The following RSPO1 variants were observed in gnomAD, a reference collection of about 807,000 sequenced individuals.
RSPO1 encodes R-spondin 1, also known as R-spondin-1.
RSPO1 carries 18 observed loss-of-function variants against 26.0 expected under a neutral mutation model. The observed-to-expected ratio is 0.69, with a 90% CI of 0.48 to 1.03. The LOEUF is 1.03. Ranked by LOEUF, RSPO1 falls within the 50% of genes least tolerant of loss-of-function variation. The pLI is 0.00. For missense variants in RSPO1, 309 were observed against 352.3 expected, an observed-to-expected ratio of 0.88 and a Z score of 0.98; for synonymous variants, 133 against 137.4, an observed-to-expected ratio of 0.97 and a Z score of 0.22.
intron 3 of RSPO1, among the ~76,000 whole-genome samples, chr1:37,618,544 T>C (rs1261666173): frequency 6.6e-6 from 1 of 152,138 alleles, no homozygotes; most frequent in Non-Finnish European, 1.5e-5. Context: ...AAGAACTGTT[T>C]GGGAGGAAGC....
At chr1:37,625,764 C>T (rs981624476) in intron 3 of RSPO1, among the ~76,000 whole-genome samples, 2 of 151,968 alleles carry the variant, frequency 1.3e-5, no homozygotes, top group Non-Finnish European at 2.9e-5. Flanking sequence ...CTGCAACCTC[C>T]GCCTCCCAGG....
At chr1:37,627,465 C>A (rs902215088) in intron 3 of RSPO1, among the ~76,000 whole-genome samples, 3 of 152,126 alleles carry the variant, frequency 2.0e-5, no homozygotes, top group African/African-American at 7.2e-5. Context: ...GCCTGGCCAA[C>A]ATGACAAAAC....
chr1:37,619,177 C>A (rs148224781), intron 3 of RSPO1, among the ~76,000 whole-genome samples: 1 of 152,146 alleles, frequency 6.6e-6, no homozygotes, highest in African/African-American at 2.4e-5. Context: ...GAGCTGAGAT[C>A]GTGCCACTGC....
chr1:37,620,419 T>C (rs544987378), intron 3 of RSPO1, among the ~76,000 whole-genome samples: 3 of 152,034 alleles, frequency 2.0e-5, no homozygotes, highest in African/African-American at 7.2e-5. Context: ...GAAGCTGAGG[T>C]GAGGAGTTCG....
intron 3 of RSPO1, among the ~76,000 whole-genome samples, chr1:37,624,339 C>T (rs1259309505): frequency 1.3e-5 from 2 of 152,166 alleles, no homozygotes; most frequent in East Asian, 3.9e-4. Flanking sequence ...GGCAAGCGGC[C>T]TTGCAGGGCT....
rs1644027357 is a variant in RSPO1, at chr1:37,611,699, T to G, written c.*1056A>C. On this transcript the variant is annotated 3_prime_UTR_variant, in exon 7 of 7. Coordinates refer to ENST00000356545, the MANE Select transcript of RSPO1 (RefSeq NM_001242908.2). Reference sequence around the variant, plus strand: ...CCTGGCAGTGCCACTAGCCCTTCAGTATATAGATTCTGCCTCTCCCAGATG... The same window carrying G: ...CCTGGCAGTGCCACTAGCCCTTCAGGATATAGATTCTGCCTCTCCCAGATG... The G allele has an allele frequency of 6.4e-6, 1 of 157,276 alleles. No individual in the cohort carries two copies. The highest frequency in any genetic ancestry group is 2.0e-4 in the South Asian group (1 of 4,922). 9.7% of individuals were successfully genotyped at this position (157,276 alleles called of 1,614,324 possible).
rs906644673 is a variant in RSPO1, at chr1:37,620,601, T to C, written c.95-3926A>G. Among the ~76,000 whole-genome samples the C allele has an allele frequency of 7.3e-5, 11 of 151,304 alleles. No individual in the cohort carries two copies. In the South Asian group the frequency reaches 2.1e-3, roughly 29 times the overall value. ...AGCCAAGATCACCTCTGCACTCCAGTCTAGGTGATGAGCGAGACTCTGTCT... is the reference window on the plus strand; with the variant it reads ...AGCCAAGATCACCTCTGCACTCCAGCCTAGGTGATGAGCGAGACTCTGTCT... On this transcript the variant is annotated intron_variant, in intron 3 of 6. Coordinates refer to ENST00000356545, the MANE Select transcript of RSPO1 (RefSeq NM_001242908.2).
rs1410275536 is a variant in RSPO1, at chr1:37,629,940, A to G, written c.-279T>C. The G allele has an allele frequency of 7.2e-7, 1 of 1,389,470 alleles. No individual in the cohort carries two copies. Among genetic ancestry groups the G allele is most frequent in the Admixed American group, 2.0e-5 (1 of 50,774 alleles). The allele number at this position is 1,389,470 out of a possible 1,614,324, so 86.1% of individuals were successfully genotyped here. On this transcript the variant is annotated 5_prime_UTR_variant, in exon 3 of 7. Transcript: ENST00000356545. ...TTGTCACGTCAGCAGGGACTACTCC[A>G]AAAACCAACCTGTCAGGGAAGGAGA...
At position 37,612,731 on chromosome 1, in the gene RSPO1, G is replaced by A. The variant is rs546859528; in HGVS notation, c.*24C>T. ...GAGTAGCACTGAACTCTTTCTGCAT[G>A]GGCCTGGAGGCTGGACAGTGTCCCT... On this transcript the variant is annotated 3_prime_UTR_variant, in exon 7 of 7. Coordinates refer to ENST00000356545, the MANE Select transcript of RSPO1 (RefSeq NM_001242908.2). 7 of 1,606,596 alleles carry A rather than the reference G, an allele frequency of 4.4e-6. No homozygotes were observed. The Admixed American group carries it at 1.0e-4, about 23-fold the overall frequency.
intron 3 of RSPO1, among the ~76,000 whole-genome samples, chr1:37,617,661 C>CAAAAAAAAAA (rs34856591): frequency 0.014 from 521 of 36,346 alleles, 83 homozygotes; most frequent in African/African-American, 0.059. Context: ...GACTCCATCT[C>CAAAAAAAAAA]AAAAAAAAAA....
intron 3 of RSPO1, among the ~76,000 whole-genome samples, chr1:37,621,873 C>A (rs1032013941): frequency 1.3e-5 from 2 of 150,654 alleles, no homozygotes; most frequent in African/African-American, 4.9e-5. Flanking sequence ...ACAAACGTAG[C>A]TCACTGAAGC....
intron 3 of RSPO1, among the ~76,000 whole-genome samples, chr1:37,619,626 T>C (rs1391367945): frequency 6.6e-6 from 1 of 152,240 alleles, no homozygotes; most frequent in East Asian, 1.9e-4. Flanking sequence ...AGTGTGTTAC[T>C]AAATGTTGAG....
At chr1:37,632,697 C>T (rs1337341523) in intron 1 of RSPO1, among the ~76,000 whole-genome samples, 1 of 152,178 alleles carries the variant, frequency 6.6e-6, no homozygotes. Flanking sequence ...GGACAGGTCT[C>T]GGACTAGGAA....
Position 37,612,895 on chromosome 1 carries a change from C to T in RSPO1, c.652G>A (p.Gly218Ser), listed in dbSNP as rs573351631. 32 of 1,614,122 alleles carry T rather than the reference C, an allele frequency of 2.0e-5. No homozygotes were observed. The East Asian group carries it at 6.5e-4, about 33-fold the overall frequency. Reference protein sequence around the residue: ...EGQKRRKGGQGRRENANRNLA... With the variant: ...EGQKRRKGGQSRRENANRNLA... ...TTCCTGTTGGCATTCTCCCGCCGGC[C>T]CTGGCCTCCCTTCCTCCTCTTCTGC... is the stretch of plus-strand genomic sequence containing the variant. The change falls in exon 7 of 7, where the codon GGC becomes AGC. Residue 218 changes from glycine to serine, a missense_variant. Coordinates refer to ENST00000356545, the MANE Select transcript of RSPO1 (RefSeq NM_001242908.2).
chr1:37,622,505 T>C (rs891322493), intron 3 of RSPO1, among the ~76,000 whole-genome samples: 2 of 151,560 alleles, frequency 1.3e-5, no homozygotes, highest in African/African-American at 2.4e-5. Context: ...GGCAAGACCC[T>C]GACTCAAAAA....
rs779603307 is a variant in RSPO1, at chr1:37,616,640, A to T, written c.130T>A (p.Cys44Ser). Residue 44 changes from cysteine to serine, a missense_variant, in exon 4 of 7, where the codon TGT (cysteine) becomes AGT (serine). Transcript: ENST00000356545. Reference sequence around the variant, plus strand: ...CCGTTGACTTCAGAGCAGAGCTCACAGCCTTTGGCACAGGCCTGGCTCCCC... The same window carrying T: ...CCGTTGACTTCAGAGCAGAGCTCACTGCCTTTGGCACAGGCCTGGCTCCCC... ...AEGSQACAKG[C>S]ELCSEVNGCL... The T allele has an allele frequency of 1.2e-6, 2 of 1,614,170 alleles. No individual in the cohort carries two copies.
At chr1:37,626,465 C>T (rs945449383) in intron 3 of RSPO1, among the ~76,000 whole-genome samples, 1 of 152,200 alleles carries the variant, frequency 6.6e-6, no homozygotes, top group Admixed American at 6.5e-5. Context: ...TGTCCATGCC[C>T]TCGGGTTTTC....
Position 37,611,809 on chromosome 1 carries a change from A to T in RSPO1, c.*946T>A, listed in dbSNP as rs1352875026. ...TCTCCCGTCCTTTAAGGGGAATTACAGCAGCACTTCTCAAATTTGGGTAAC... is the reference window on the plus strand; with the variant it reads ...TCTCCCGTCCTTTAAGGGGAATTACTGCAGCACTTCTCAAATTTGGGTAAC... On this transcript the variant is annotated 3_prime_UTR_variant, in exon 7 of 7. Transcript: ENST00000356545. 7.1e-6 allele frequency: 1 copy of T among 140,506 alleles called. No individual in the cohort carries two copies. The highest frequency in any genetic ancestry group is 2.8e-5 in the African/African-American group (1 of 36,068). 8.7% of individuals were successfully genotyped at this position (140,506 alleles called of 1,614,324 possible).
chr1:37,615,450 T>C (rs1202843046), intron 4 of RSPO1, among the ~76,000 whole-genome samples: 1 of 152,022 alleles, frequency 6.6e-6, no homozygotes, highest in Non-Finnish European at 1.5e-5. Context: ...GGTCACACAA[T>C]GAAGAAGTAG....
Sources: gnomAD v4.1 joint callset for allele counts (sites outside exome capture counted in the v4.1 genomes callset) on GRCh38, gnomAD v4.1.1 for gene constraint, MANE v1.5 for transcripts, NCBI Gene and HGNC (gene_info 2026-07-23, HGNC 2026-07-21) for gene names.